HPGD: variants seen among roughly 807,000 people sequenced by gnomAD.
The protein encoded by HPGD is 15-hydroxyprostaglandin dehydrogenase.
In HPGD, 29 loss-of-function variants were observed where a neutral mutation model predicts 30.0. That is an observed-to-expected ratio of 0.97 (90% CI 0.72 to 1.32). HPGD has a LOEUF of 1.32. Ranked by LOEUF, HPGD falls within the 40% of genes most tolerant of loss-of-function variation. The pLI, the probability that HPGD is intolerant of heterozygous loss-of-function variation, is 0.00. For missense variants in HPGD, 340 were observed against 322.1 expected (o/e 1.06, Z -0.43); for synonymous variants, 99 against 112.4 (o/e 0.88, Z 0.75).
Position 174,494,291 on chromosome 4 carries a change from G to A in HPGD, c.499-977C>T, listed in dbSNP as rs34939184. Among the ~76,000 whole-genome samples, 27,636 of 152,108 alleles carry A rather than the reference G, an allele frequency of 0.18. 3,049 individuals are homozygous for A. The highest frequency in any genetic ancestry group is 0.52 in the East Asian group (2,667 of 5,174). On this transcript the variant is annotated intron_variant, in intron 5 of 6. Coordinates refer to ENST00000296522, the MANE Select transcript of HPGD (RefSeq NM_000860.6). This position sits in a 1 kb window ranked among gnomAD's most constrained non-coding sequence, Gnocchi z 4.9. ...ATAAAATAAGGTTATGTATTGACTG[G>A]TTGATTGGAGTTTTGTGACCAGAGG...
At chr4:174,495,471 G>T in intron 5 of HPGD, 77 bp downstream of exon 5, 2 of 1,095,796 alleles carry the variant, frequency 1.8e-6, no homozygotes, top group South Asian at 1.2e-5. Flanking sequence ...TTTCTCAAGT[G>T]ATTCCTCTCT....
At chr4:174,513,627 G>GC (rs1735624055) in intron 3 of HPGD, among the ~76,000 whole-genome samples, 1 of 151,954 alleles carries the variant, frequency 6.6e-6, no homozygotes, top group African/African-American at 2.4e-5. Context: ...GATGTTCCCA[G>GC]TTGTGTCTAA....
rs1579298760 is a variant in HPGD at position 174,514,519 on chromosome 4, C to G, written c.324+3452G>C. Among the ~76,000 whole-genome samples the G allele has an allele frequency of 2.6e-5, 4 of 152,008 alleles. No homozygotes were observed. In the South Asian group the frequency reaches 8.3e-4, roughly 32 times the overall value. ...CAACATCTTTTCATGTTAAAAAATCCTCAACAACATAGGCATCGAAGTAAC... is the reference window on the plus strand; with the variant it reads ...CAACATCTTTTCATGTTAAAAAATCGTCAACAACATAGGCATCGAAGTAAC... On this transcript the variant is annotated intron_variant, in intron 3 of 6. Transcript: ENST00000296522.
At position 174,492,053 on chromosome 4, in the gene HPGD, T is replaced by A; in HGVS notation, c.704A>T (p.Asp235Val). 6.2e-7 allele frequency: 1 copy of A among 1,609,980 alleles called. No homozygotes were observed. The highest frequency in any genetic ancestry group is 8.5e-7 in the Non-Finnish European group (1 of 1,176,584). Residue 235 changes from aspartate to valine, a missense_variant, in exon 7 of 7, where the codon GAT (aspartate) becomes GTT (valine). Asp to Val is a radical substitution (Grantham distance 152). Transcript: ENST00000296522. This position sits in a 1 kb window ranked among gnomAD's most constrained non-coding sequence, Gnocchi z 4.9. ...CATAATAGCACCATTTAAAGCATCA[T>A]CTTCAATGAGTGTTATCAATCCATT... The part of the protein sequence containing the change: ...IANGLITLIE[D>V]DALNGAIMKI...
rs10694450 is a variant in HPGD, at chr4:174,502,677, CA to C, written c.421+6018del. The stretch of plus-strand genomic sequence containing the variant: ...TGGGCGACAGAGCGAGACTCCGTCT[CA>C]AAAAAAAAAAAAAAAAAAGTGACAC... On this transcript the variant is annotated intron_variant, in intron 4 of 6. Coordinates refer to ENST00000296522, the MANE Select transcript of HPGD (RefSeq NM_000860.6). 1.8e-3 allele frequency among the ~76,000 whole-genome samples: 175 copies of C among 98,838 alleles called. 2 individuals are homozygous for C. The East Asian group carries it at 0.038, about 21-fold the overall frequency. The allele number at this position is 98,838 out of a possible 152,430, so 64.8% of individuals were successfully genotyped here.
chr4:174,494,409 C>G lies in HPGD; in HGVS notation c.499-1095G>C, dbSNP rs1475873581. On this transcript the variant is annotated intron_variant, in intron 5 of 6. Transcript: ENST00000296522. This position sits in a 1 kb window ranked among gnomAD's most constrained non-coding sequence, Gnocchi z 4.9. ...TAAGTGACTTCATGGAACATAACCA[C>G]CATGCATACTGAGAATTGACTGTAG... Among the ~76,000 whole-genome samples the G allele has an allele frequency of 6.6e-6, 1 of 152,072 alleles. No individual in the cohort carries two copies. Among genetic ancestry groups the G allele is most frequent in the Non-Finnish European group, 1.5e-5 (1 of 68,008 alleles).
intron 2 of HPGD, among the ~76,000 whole-genome samples, chr4:174,518,948 G>A (rs1044917347): frequency 6.6e-6 from 1 of 151,862 alleles, no homozygotes; most frequent in Non-Finnish European, 1.5e-5. Flanking sequence ...TCTACATGAC[G>A]GAAATATATT....
intron 1 of HPGD, 123 bp from the exon 2 acceptor site, chr4:174,522,190 C>T: frequency 6.7e-7 from 1 of 1,487,800 alleles, no homozygotes; most frequent in South Asian, 1.1e-5. Flanking sequence ...GGGTTCCCTC[C>T]CAGCCACTTC....
Position 174,518,713 on chromosome 4 carries a change from G to T in HPGD, c.218-636C>A, listed in dbSNP as rs990108430. ...CTTTCTCACTATTATTACTACTTCA[G>T]ATTACTAGGATTACTAGTTTGTATA... On this transcript the variant is annotated intron_variant, in intron 2 of 6. Transcript: ENST00000296522. 3.4e-4 allele frequency among the ~76,000 whole-genome samples: 52 copies of T among 152,134 alleles called. 1 individual carries two copies. Among genetic ancestry groups the T allele is most frequent in the African/African-American group, 1.2e-3 (49 of 41,508 alleles).
At chr4:174,514,033 T>C (rs1258695408) in intron 3 of HPGD, among the ~76,000 whole-genome samples, 1 of 151,986 alleles carries the variant, frequency 6.6e-6, no homozygotes, top group African/African-American at 2.4e-5. Context: ...GAAGCCAGGA[T>C]ATAGATGACA....
rs1437138855 is a variant in HPGD at position 174,494,089 on chromosome 4, G to A, written c.499-775C>T. Among the ~76,000 whole-genome samples the A allele has an allele frequency of 6.6e-6, 1 of 152,062 alleles. No homozygotes were observed. Among genetic ancestry groups the A allele is most frequent in the Non-Finnish European group, 1.5e-5 (1 of 68,006 alleles). ...GGTGATTCTGCTGTTTAAAATGGCT[G>A]CCAAACCCACTGCAGAAGTGCTGTG... is the stretch of plus-strand genomic sequence containing the variant. On this transcript the variant is annotated intron_variant, in intron 5 of 6. Transcript: ENST00000296522. The surrounding 1 kb of genome is among the most constrained non-coding windows in gnomAD (Gnocchi z 4.9).
rs1474025667 is a variant in HPGD at position 174,492,088 on chromosome 4, TG to T, written c.668del (p.Pro223HisfsTer2). 1 of 1,611,088 alleles carries T rather than the reference TG, an allele frequency of 6.2e-7. No homozygotes were observed. The highest frequency in any genetic ancestry group is 8.5e-7 in the Non-Finnish European group (1 of 1,178,030). On this transcript the variant is annotated frameshift_variant, in exon 7 of 7. Transcript: ENST00000296522. LOFTEE classifies it high-confidence loss of function. This position sits in a 1 kb window ranked among gnomAD's most constrained non-coding sequence, Gnocchi z 4.9. ...MIKYYGILDP[P>X]LIANGLITLI... ...GTGTTATCAATCCATTGGCAATCAA[TG>T]GTGGGCTAAAAATAAAGAAAACAGT...
intron 3 of HPGD, 29 bp from the exon 4 acceptor site, chr4:174,508,821 A>G: frequency 8.6e-7 from 1 of 1,160,838 alleles, no homozygotes; most frequent in Non-Finnish European, 1.3e-6. Context: ...TGAGAAAAGG[A>G]ATACAGTCAT....
In HPGD at chr4:174,521,974, A is replaced by G; in HGVS notation, c.187T>C (p.Cys63Arg). The G allele has an allele frequency of 6.2e-7, 1 of 1,614,094 alleles. No homozygotes were observed. The highest frequency in any genetic ancestry group is 1.1e-5 in the South Asian group (1 of 91,082). ...AGTTGTTGCTGGTCAGCCACATCGC[A>G]CTGGATGAACAGAGTCTTCTGAGGT... The part of the protein sequence containing the change: ...FEPQKTLFIQ[C>R]DVADQQQLRD... Residue 63 changes from cysteine to arginine, a missense_variant, in exon 2 of 7, where the codon TGC (cysteine) becomes CGC (arginine). Physicochemically the swap from Cys to Arg is radical, Grantham distance 180 (BLOSUM62 -3). Coordinates refer to ENST00000296522, the MANE Select transcript of HPGD (RefSeq NM_000860.6).
Position 174,508,282 on chromosome 4 carries a change from C to A in HPGD, c.421+414G>T, listed in dbSNP as rs1180137960. The stretch of plus-strand genomic sequence containing the variant: ...TATTTATTAGTTTAACATATCTTAA[C>A]TATGATATATGCCATATTTTAAAAT... On this transcript the variant is annotated intron_variant, in intron 4 of 6. Coordinates refer to ENST00000296522, the MANE Select transcript of HPGD (RefSeq NM_000860.6). 1.8e-5 allele frequency: 11 copies of A among 612,126 alleles called. No individual in the cohort carries two copies. The Admixed American group carries it at 2.8e-4, about 15-fold the overall frequency. 37.9% of individuals were successfully genotyped at this position (612,126 alleles called of 1,614,324 possible).
intron 3 of HPGD, among the ~76,000 whole-genome samples, chr4:174,517,387 T>A (rs976145192): frequency 6.6e-6 from 1 of 152,208 alleles, no homozygotes; most frequent in African/African-American, 2.4e-5. Flanking sequence ...AGCATTTAAT[T>A]AAGATTTACT....
intron 3 of HPGD, among the ~76,000 whole-genome samples, chr4:174,514,692 A>C (rs1200387113): frequency 6.6e-6 from 1 of 152,172 alleles, no homozygotes; most frequent in Non-Finnish European, 1.5e-5. Flanking sequence ...AAAGGAATAA[A>C]GGGCATCTAA....
intron 4 of HPGD, chr4:174,508,073 G>C: frequency 1.4e-6 from 1 of 697,016 alleles, no homozygotes; most frequent in Admixed American, 2.0e-5. Flanking sequence ...TTCTCTTTCT[G>C]CTAGAGAAAA....
intron 5 of HPGD, 117 bp downstream of exon 5, chr4:174,495,431 A>C: frequency 1.3e-6 from 1 of 763,832 alleles, no homozygotes. Context: ...AGATGGAGGT[A>C]TGTCATTTTT....
Sources: allele counts gnomAD v4.1 joint callset (sites outside exome capture counted in the v4.1 genomes callset), GRCh38; gene constraint gnomAD v4.1.1; non-coding constraint Gnocchi (gnomAD v3.1); transcripts MANE v1.5; gene names NCBI Gene and HGNC (gene_info 2026-07-23, HGNC 2026-07-21).